The following CARM1 variants were observed in gnomAD, a reference collection of about 807,000 sequenced individuals.
The protein encoded by CARM1 is histone-arginine methyltransferase CARM1.
CARM1 carries 14 observed loss-of-function variants against 72.7 expected under a neutral mutation model. The ratio of observed to expected loss-of-function variants is 0.19; its 90% CI spans 0.13 to 0.30. The LOEUF is 0.30. Among genes scored for constraint, CARM1 ranks in the 10% least tolerant of loss-of-function variants. CARM1 has a pLI of 1.00. For missense variants in CARM1, 432 were observed against 833.7 expected (o/e 0.52, Z 5.93); for synonymous variants, 333 against 345.5 (o/e 0.96, Z 0.40).
chr19:10,894,886 G>A (rs1403904109), intron 1 of CARM1, among the ~76,000 whole-genome samples: 4 of 151,886 alleles, frequency 2.6e-5, no homozygotes, highest in South Asian at 4.1e-4. Flanking sequence ...GACTACAGGT[G>A]CGCATCACCA....
intron 4 of CARM1, among the ~76,000 whole-genome samples, chr19:10,909,424 C>G (rs751722720): frequency 7.3e-5 from 11 of 151,688 alleles, no homozygotes; most frequent in Non-Finnish European, 1.5e-4. Context: ...GAGCGAGACT[C>G]TTGTCTCTTA....
intron 1 of CARM1, among the ~76,000 whole-genome samples, chr19:10,901,299 G>GTTTGTT (rs947402662): frequency 2.7e-5 from 4 of 150,396 alleles, no homozygotes; most frequent in Non-Finnish European, 5.9e-5. Flanking sequence ...TTGTTTGTTT[G>GTTTGTT]TTTGTTTTTG....
chr19:10,921,811 C>A lies in CARM1; in HGVS notation c.*54C>A. ...GGAAACCAAATGATGTCCCTGCCCG[C>A]CGCCCCCGCCGGGCGGCTTTCCCCC... On this transcript the variant is annotated 3_prime_UTR_variant, in exon 16 of 16. Transcript: ENST00000327064. The A allele has an allele frequency of 3.3e-6, 5 of 1,519,940 alleles. No individual in the cohort carries two copies. Among genetic ancestry groups the A allele is most frequent in the Non-Finnish European group, 4.4e-6 (5 of 1,126,252 alleles). 94.2% of individuals were successfully genotyped at this position (1,519,940 alleles called of 1,614,324 possible).
chr19:10,920,655 G>T lies in CARM1; in HGVS notation c.1335-4G>T, dbSNP rs145321044. 5 of 1,614,142 alleles carry T rather than the reference G, an allele frequency of 3.1e-6. No homozygotes were observed. Among genetic ancestry groups the T allele is most frequent in the African/African-American group, 1.3e-5 (1 of 75,046 alleles). The stretch of plus-strand genomic sequence containing the variant: ...TCATGCCACGGCCTGCACCCTGTCC[G>T]CAGACAGAGCTACGACATCAGTATT... On this transcript the variant is annotated splice_region_variant and splice_polypyrimidine_tract_variant and intron_variant, in intron 11 of 15. Transcript: ENST00000327064. This position sits in a 1 kb window ranked among gnomAD's most constrained non-coding sequence, Gnocchi z 5.3.
Position 10,916,806 on chromosome 19 carries a change from A to G in CARM1, c.1020+29A>G, listed in dbSNP as rs1179210630. On this transcript the variant is annotated intron_variant, in intron 8 of 15. Coordinates refer to ENST00000327064, the MANE Select transcript of CARM1 (RefSeq NM_199141.2). This position sits in a 1 kb window ranked among gnomAD's most constrained non-coding sequence, Gnocchi z 4.4. ...AGTAGGGCCTCCAGGGTACTGCTGC[A>G]GTGATCACTTGCCATTGCTGTGCAG... 2 of 1,484,644 alleles carry G rather than the reference A, an allele frequency of 1.3e-6. No homozygotes were observed. The highest frequency in any genetic ancestry group is 1.4e-5 in the African/African-American group (1 of 71,762). The allele number at this position is 1,484,644 out of a possible 1,614,324, so 92.0% of individuals were successfully genotyped here. A position where few individuals can be genotyped will look rare whatever the true frequency, so the allele number is the denominator to read the frequency against.
At position 10,921,820 on chromosome 19, in the gene CARM1, C is replaced by A; in HGVS notation, c.*63C>A. The A allele has an allele frequency of 1.3e-6, 2 of 1,497,368 alleles. No individual in the cohort carries two copies. The highest frequency in any genetic ancestry group is 1.8e-6 in the Non-Finnish European group (2 of 1,108,392). 92.8% of individuals were successfully genotyped at this position (1,497,368 alleles called of 1,614,324 possible). A position where few individuals can be genotyped will look rare whatever the true frequency, so the allele number is the denominator to read the frequency against. On this transcript the variant is annotated 3_prime_UTR_variant, in exon 16 of 16. Coordinates refer to ENST00000327064, the MANE Select transcript of CARM1 (RefSeq NM_199141.2). ...ATGATGTCCCTGCCCGCCGCCCCCG[C>A]CGGGCGGCTTTCCCCCTTGTACTGG... is the stretch of plus-strand genomic sequence containing the variant.
rs2074201237 is a variant in CARM1 at position 10,916,864 on chromosome 19, C to T, written c.1020+87C>T. ...GCCCTCAGGAAGCTACAGCCCCTCT[C>T]TGAGCCCTCTCCTCTGCCCTGCACA... is the stretch of plus-strand genomic sequence containing the variant. On this transcript the variant is annotated intron_variant, in intron 8 of 15. Coordinates refer to ENST00000327064, the MANE Select transcript of CARM1 (RefSeq NM_199141.2). This position sits in a 1 kb window ranked among gnomAD's most constrained non-coding sequence, Gnocchi z 4.4. 1 of 1,003,204 alleles carries T rather than the reference C, an allele frequency of 1.0e-6. No individual in the cohort carries two copies. Among genetic ancestry groups the T allele is most frequent in the Admixed American group, 2.2e-5 (1 of 44,926 alleles). 62.1% of individuals were successfully genotyped at this position (1,003,204 alleles called of 1,614,324 possible). A position where few individuals can be genotyped will look rare whatever the true frequency, so the allele number is the denominator to read the frequency against.
chr19:10,872,445 C>A (rs529551289), intron 1 of CARM1, among the ~76,000 whole-genome samples: 6 of 152,186 alleles, frequency 3.9e-5, no homozygotes, highest in Admixed American at 3.3e-4. Context: ...CGAGTTCCAC[C>A]GCTGTGCGAG....
intron 1 of CARM1, among the ~76,000 whole-genome samples, chr19:10,877,759 G>T (rs1290992251): frequency 6.7e-6 from 1 of 149,740 alleles, no homozygotes; most frequent in Non-Finnish European, 1.5e-5. Context: ...ATGGAATCTC[G>T]CTCTGTTGCC....
chr19:10,897,967 C>T (rs994080883), intron 1 of CARM1, among the ~76,000 whole-genome samples: 22 of 151,998 alleles, frequency 1.4e-4, no homozygotes, highest in Admixed American at 3.9e-4. Context: ...ATTAGCCGGG[C>T]GAGGTGGCGG....
chr19:10,899,166 G>A (rs555377148), intron 1 of CARM1, among the ~76,000 whole-genome samples: 5 of 151,676 alleles, frequency 3.3e-5, no homozygotes, highest in African/African-American at 4.8e-5. Context: ...CTGCTGTGAT[G>A]AAGCGATCCA....
Position 10,900,302 on chromosome 19 carries a change from C to T in CARM1, c.221-4649C>T, listed in dbSNP as rs184212668. Reference sequence around the variant, plus strand: ...CTTTTACAATGTTGCATAACAATCACCTCTATCTACTCCCAAAATATGTTT... The same window carrying T: ...CTTTTACAATGTTGCATAACAATCATCTCTATCTACTCCCAAAATATGTTT... On this transcript the variant is annotated intron_variant, in intron 1 of 15. Transcript: ENST00000327064. 7.9e-5 allele frequency among the ~76,000 whole-genome samples: 12 copies of T among 152,280 alleles called. No homozygotes were observed. In the East Asian group the frequency reaches 2.3e-3, roughly 29 times the overall value.
chr19:10,912,537 T>G lies in CARM1; in HGVS notation c.669+243T>G, dbSNP rs1278377170. Among the ~76,000 whole-genome samples, 1 of 151,228 alleles carries G rather than the reference T, an allele frequency of 6.6e-6. No individual in the cohort carries two copies. The highest frequency in any genetic ancestry group is 1.9e-4 in the East Asian group (1 of 5,190). ...TGTTTTCTTTTTTTTTTTTTTGCAC[T>G]GAAACCTTCATTCACAAAGTTCAAA... On this transcript the variant is annotated intron_variant, in intron 5 of 15. Transcript: ENST00000327064. This position sits in a 1 kb window ranked among gnomAD's most constrained non-coding sequence, Gnocchi z 4.5.
intron 1 of CARM1, among the ~76,000 whole-genome samples, chr19:10,877,999 C>T (rs1022664628): frequency 7.2e-5 from 11 of 152,268 alleles, no homozygotes; most frequent in African/African-American, 1.9e-4. Context: ...ATGTCACCAC[C>T]CTTGGCTAAT....
chr19:10,909,551 C>G (rs1447057748), intron 4 of CARM1, among the ~76,000 whole-genome samples: 1 of 151,908 alleles, frequency 6.6e-6, no homozygotes, highest in South Asian at 2.1e-4. Flanking sequence ...CTGGCTAACA[C>G]GATGAAACCC....
In CARM1 at chr19:10,896,093, G is replaced by T. The variant is rs1045228206; in HGVS notation, c.221-8858G>T. Among the ~76,000 whole-genome samples, 1 of 152,066 alleles carries T rather than the reference G, an allele frequency of 6.6e-6. No homozygotes were observed. Among genetic ancestry groups the T allele is most frequent in the Non-Finnish European group, 1.5e-5 (1 of 67,994 alleles). On this transcript the variant is annotated intron_variant, in intron 1 of 15. Transcript: ENST00000327064. This position sits in a 1 kb window ranked among gnomAD's most constrained non-coding sequence, Gnocchi z 5.2. ...GGAACCGTGGGGCGGTGTGAAGCAG[G>T]CGGGTTGTGTTAGACACTGTGCGGC...
rs745629263 is a variant in CARM1 at position 10,913,910 on chromosome 19, A to G, written c.703A>G (p.Ile235Val). ...GAAGAGTAACAACCTGACGGACCGCATCGTGGTCATCCCGGGCAAGGTGGA... is the reference window on the plus strand; with the variant it reads ...GAAGAGTAACAACCTGACGGACCGCGTCGTGGTCATCCCGGGCAAGGTGGA... The part of the protein sequence containing the change: ...LVKSNNLTDR[I>V]VVIPGKVEEV... The change falls in exon 6 of 16, where the codon ATC becomes GTC. Residue 235 changes from isoleucine to valine, a missense_variant. Physicochemically the swap from Ile to Val is conservative, Grantham distance 29. This residue lies in a region of CARM1 where 152 missense variants were observed against 452.8 expected (regional missense o/e 0.34). Coordinates refer to ENST00000327064, the MANE Select transcript of CARM1 (RefSeq NM_199141.2). 6.2e-7 allele frequency: 1 copy of G among 1,613,646 alleles called. No homozygotes were observed. Among genetic ancestry groups the G allele is most frequent in the Non-Finnish European group, 8.5e-7 (1 of 1,179,968 alleles).
intron 8 of CARM1, among the ~76,000 whole-genome samples, chr19:10,918,469 C>T (rs774119342): frequency 1.5e-4 from 23 of 151,524 alleles, no homozygotes; most frequent in Non-Finnish European, 1.6e-4. Context: ...GTGATCCGTC[C>T]GCCTCGGCCT....
chr19:10,913,792 G>A (rs2074173313), intron 5 of CARM1, 85 bp from the exon 6 acceptor site: 2 of 1,391,700 alleles, frequency 1.4e-6, no homozygotes, highest in Non-Finnish European at 2.0e-6. Context: ...ATGTGTGGAT[G>A]GAGGCTGTCC....
Sources: gnomAD v4.1 joint callset for allele counts (sites outside exome capture counted in the v4.1 genomes callset) on GRCh38, gnomAD v4.1.1 for gene constraint, gnomAD v4.1.1 regional missense constraint, Gnocchi (gnomAD v3.1) non-coding constraint, MANE v1.5 for transcripts, NCBI Gene and HGNC (gene_info 2026-07-23, HGNC 2026-07-21) for gene names.